Variants in TUBD1 observed in about 807,000 individuals in gnomAD.
TUBD1 encodes tubulin delta chain.
Under a neutral mutation model 51.2 loss-of-function variants are expected in TUBD1, and 38 were observed. The observed-to-expected ratio is 0.74, with a 90% confidence interval of 0.57 to 0.97. The LOEUF (loss-of-function observed/expected upper bound fraction) is 0.97. TUBD1 is among the 50% of genes least tolerant of loss of function. TUBD1 has a pLI of 0.00. For synonymous variants in TUBD1, 169 were observed against 178.2 expected (o/e 0.95, Z 0.41); for missense variants, 489 against 538.4 (o/e 0.91, Z 0.91).
intron 6 of TUBD1, among the ~76,000 whole-genome samples, chr17:59,868,039 G>A (rs891951450): frequency 3.5e-5 from 5 of 141,306 alleles, no homozygotes; most frequent in Non-Finnish European, 7.5e-5. Context: ...GAGGCAGGCG[G>A]ATCACTTGAG....
At chr17:59,870,486 T>C (rs577008157) in intron 6 of TUBD1, among the ~76,000 whole-genome samples, 1 of 149,022 alleles carries the variant, frequency 6.7e-6, no homozygotes, top group Admixed American at 6.7e-5. Context: ...CTCCCTGCAG[T>C]AGGAGGAGTG....
At position 59,871,234 on chromosome 17, in the gene TUBD1, C is replaced by T. The variant is rs1388152850; in HGVS notation, c.934+3305G>A. Among the ~76,000 whole-genome samples the T allele has an allele frequency of 2.6e-5, 4 of 152,066 alleles. No individual in the cohort carries two copies. The East Asian group carries it at 5.8e-4, about 22-fold the overall frequency. On this transcript the variant is annotated intron_variant, in intron 6 of 8. Transcript: ENST00000325752. ...TTTTTGAGACAGGGTCTCGCTCTGTCGCCGAGGCTGGAGTGCAGTGACACG... is the reference window on the plus strand; with the variant it reads ...TTTTTGAGACAGGGTCTCGCTCTGTTGCCGAGGCTGGAGTGCAGTGACACG...
intron 2 of TUBD1, among the ~76,000 whole-genome samples, chr17:59,889,421 C>T (rs1345816792): frequency 4.0e-5 from 6 of 151,238 alleles, no homozygotes; most frequent in Non-Finnish European, 8.8e-5. Flanking sequence ...AATCCCAGCA[C>T]TTTGGGAAGC....
At position 59,890,837 on chromosome 17, in the gene TUBD1, TCTC is replaced by T. The variant is rs766234393; in HGVS notation, c.163_165del (p.Glu55del). ...GACTGTGGGCCACACCTACCTCCAT[TCTC>T]CTCCTCACTGAAGAATCTTTCTTTG... On this transcript the variant is annotated inframe_deletion, in exon 2 of 9. Transcript: ENST00000325752. 1 of 1,610,898 alleles carries T rather than the reference TCTC, an allele frequency of 6.2e-7. No homozygotes were observed.
intron 6 of TUBD1, among the ~76,000 whole-genome samples, chr17:59,867,033 G>C (rs561835607): frequency 8.9e-4 from 136 of 152,228 alleles, no homozygotes; most frequent in African/African-American, 3.2e-3. Flanking sequence ...GACCTCGAAT[G>C]ATCTGCCTGC....
intron 2 of TUBD1, among the ~76,000 whole-genome samples, chr17:59,887,412 C>T (rs1024075451): frequency 1.3e-5 from 2 of 151,522 alleles, no homozygotes; most frequent in Non-Finnish European, 2.9e-5. Context: ...TACATCAATA[C>T]TTAATCACAC....
chr17:59,886,487 C>A, intron 2 of TUBD1: 1 of 326,480 alleles, frequency 3.1e-6, no homozygotes, highest in Admixed American at 4.7e-5. Flanking sequence ...TCAGATTAGC[C>A]GGCGTGGTGG....
At chr17:59,890,080 T>A (rs990304063) in intron 2 of TUBD1, among the ~76,000 whole-genome samples, 36 of 151,816 alleles carry the variant, frequency 2.4e-4, no homozygotes, top group Non-Finnish European at 4.3e-4. Context: ...GCACTCCAGC[T>A]TGGGCAACAT....
intron 5 of TUBD1, among the ~76,000 whole-genome samples, chr17:59,877,514 G>A (rs1174511598): frequency 6.6e-6 from 1 of 152,234 alleles, no homozygotes; most frequent in Admixed American, 6.5e-5. Context: ...GGGTGCGGTG[G>A]CTCACGCCTG....
intron 7 of TUBD1, among the ~76,000 whole-genome samples, chr17:59,864,067 C>T (rs562627783): frequency 8.7e-4 from 131 of 150,640 alleles, no homozygotes; most frequent in African/African-American, 3.1e-3. Flanking sequence ...CACAGTAAAA[C>T]CCCATCTCTA....
In TUBD1 at chr17:59,880,874, T is replaced by C; in HGVS notation, c.537+20A>G. The C allele has an allele frequency of 1.3e-6, 2 of 1,599,244 alleles. No homozygotes were observed. Among genetic ancestry groups the C allele is most frequent in the Non-Finnish European group, 1.7e-6 (2 of 1,167,404 alleles). On this transcript the variant is annotated intron_variant, in intron 4 of 8. Transcript: ENST00000325752. ...TGCAAAGAACATAAAACATAAACTTTTCAATTAACATGTCCATACCTCACC... is the reference window on the plus strand; with the variant it reads ...TGCAAAGAACATAAAACATAAACTTCTCAATTAACATGTCCATACCTCACC...
intron 2 of TUBD1, among the ~76,000 whole-genome samples, chr17:59,889,967 CAAAAAA>C (rs35427875): frequency 1.4e-5 from 1 of 69,386 alleles, no homozygotes; most frequent in Non-Finnish European, 2.8e-5. Flanking sequence ...GAGACTCTCT[CAAAAAA>C]AAAAAAAAAA....
At chr17:59,880,123 T>C (rs546019050) in intron 4 of TUBD1, among the ~76,000 whole-genome samples, 345 of 151,976 alleles carry the variant, frequency 2.3e-3, no homozygotes, top group Non-Finnish European at 4.1e-3. Context: ...AGTGGCGGGA[T>C]ATCAGCTCAC....
chr17:59,892,363 G>A (rs1256403596), intron 1 of TUBD1, among the ~76,000 whole-genome samples: 2 of 152,310 alleles, frequency 1.3e-5, no homozygotes, highest in South Asian at 2.1e-4. Context: ...GCAACACAGC[G>A]AGACCCTGTC....
chr17:59,871,294 A>G (rs1489544647), intron 6 of TUBD1, among the ~76,000 whole-genome samples: 1 of 152,056 alleles, frequency 6.6e-6, no homozygotes, highest in East Asian at 1.9e-4. Flanking sequence ...CTGCCTCCCA[A>G]GTTCAAGCAA....
chr17:59,872,558 T>G (rs2040028510), intron 6 of TUBD1, among the ~76,000 whole-genome samples: 1 of 152,112 alleles, frequency 6.6e-6, no homozygotes, highest in African/African-American at 2.4e-5. Context: ...GAATAATATT[T>G]AGATAGCAAA....
intron 7 of TUBD1, among the ~76,000 whole-genome samples, chr17:59,865,435 C>T (rs1026853673): frequency 6.6e-6 from 1 of 152,046 alleles, no homozygotes; most frequent in African/African-American, 2.4e-5. Flanking sequence ...AAAAAATCAA[C>T]CGGGCATGGT....
intron 4 of TUBD1, chr17:59,878,758 C>T (rs144925193): frequency 0.019 from 3,101 of 166,264 alleles, 48 homozygotes; most frequent in Non-Finnish European, 0.029. Context: ...GGATTATAGG[C>T]GTGAGCCACC....
At chr17:59,870,142 C>T (rs187343799) in intron 6 of TUBD1, among the ~76,000 whole-genome samples, 4 of 152,032 alleles carry the variant, frequency 2.6e-5, no homozygotes, top group Non-Finnish European at 5.9e-5. Context: ...ATGTGGATCA[C>T]TTGAGGTCAG....
Sources: allele counts gnomAD v4.1 joint callset (sites outside exome capture counted in the v4.1 genomes callset), GRCh38; gene constraint gnomAD v4.1.1; transcripts MANE v1.5; gene names NCBI Gene and HGNC (gene_info 2026-07-23, HGNC 2026-07-21).